CIMAP1D: variants seen among roughly 807,000 people sequenced by gnomAD.
CIMAP1D encodes protein CIMAP1D.
the CIMAP1D span, among the ~76,000 whole-genome samples, chr19:484,661 CCGCT>C: frequency 6.6e-6 from 1 of 152,180 alleles, no homozygotes; most frequent in Non-Finnish European, 1.5e-5. Context: ...GGGGAGGGCA[CCGCT>C]GTGCAAAGGC....
chr19:465,648 G>T, the CIMAP1D span, among the ~76,000 whole-genome samples: 1 of 143,806 alleles, frequency 7.0e-6, no homozygotes. Flanking sequence ...TGGGTGGGTG[G>T]AGGGATGAGT....
the CIMAP1D span, among the ~76,000 whole-genome samples, chr19:490,692 C>T: frequency 6.6e-6 from 1 of 152,330 alleles, no homozygotes; most frequent in East Asian, 1.9e-4. Context: ...GGGCCAGGCG[C>T]GGTGGCTGAC....
chr19:489,803 C>T, the CIMAP1D span: 133 of 374,624 alleles, frequency 3.6e-4, no homozygotes, highest in Non-Finnish European at 6.0e-4. Flanking sequence ...GGATGTCCAG[C>T]ACTCAGCGCG....
chr19:480,119 G>A, the CIMAP1D span, among the ~76,000 whole-genome samples: 11 of 152,366 alleles, frequency 7.2e-5, no homozygotes, highest in East Asian at 1.9e-3. Context: ...AGCCGAACTC[G>A]GGAGGCGGGC....
the CIMAP1D span, chr19:464,067 C>G: frequency 6.4e-7 from 1 of 1,561,618 alleles, no homozygotes. Context: ...CAGGCGCTGG[C>G]GGTAGGTGTT....
At chr19:482,590 G>A in the CIMAP1D span, among the ~76,000 whole-genome samples, 1 of 140,954 alleles carries the variant, frequency 7.1e-6, no homozygotes, top group Non-Finnish European at 1.6e-5. Context: ...CTGCATACAG[G>A]GTGAGATCGG....
At chr19:473,522 G>A in the CIMAP1D span, among the ~76,000 whole-genome samples, 1 of 33,826 alleles carries the variant, frequency 3.0e-5, no homozygotes, top group Non-Finnish European at 5.4e-5. Context: ...AGAGAAACAC[G>A]GTCACAGATG....
chr19:482,105 A>G, the CIMAP1D span, among the ~76,000 whole-genome samples: 1 of 152,236 alleles, frequency 6.6e-6, no homozygotes, highest in African/African-American at 2.4e-5. Context: ...GTTGTATCAA[A>G]AAAAGAGAAA....
the CIMAP1D span, among the ~76,000 whole-genome samples, chr19:479,307 C>G: frequency 6.6e-6 from 1 of 151,404 alleles, no homozygotes; most frequent in South Asian, 2.1e-4. Flanking sequence ...CCTCTCTGCT[C>G]TTGTTACCCA....
the CIMAP1D span, among the ~76,000 whole-genome samples, chr19:466,456 G>A: frequency 6.6e-5 from 10 of 150,610 alleles, no homozygotes; most frequent in African/African-American, 2.0e-4. Flanking sequence ...TGGATGGGTG[G>A]GTGGGTGGAT....
the CIMAP1D span, among the ~76,000 whole-genome samples, chr19:472,816 A>T: frequency 6.7e-6 from 1 of 150,104 alleles, no homozygotes; most frequent in Non-Finnish European, 1.5e-5. Context: ...CCTCCCAGAG[A>T]TACACGGTCA....
the CIMAP1D span, among the ~76,000 whole-genome samples, chr19:469,783 G>A: frequency 6.6e-5 from 10 of 152,150 alleles, no homozygotes; most frequent in Middle Eastern, 3.4e-3. Flanking sequence ...CCACAGACTC[G>A]CCTCAAAGTG....
chr19:466,305 G>T, the CIMAP1D span, among the ~76,000 whole-genome samples: 11,939 of 85,586 alleles, frequency 0.14, 877 homozygotes, highest in East Asian at 0.26. Context: ...ATGAGTGGAT[G>T]GATGGGTGGA....
At chr19:468,556 C>T in the CIMAP1D span, among the ~76,000 whole-genome samples, 130,604 of 152,216 alleles carry the variant, frequency 0.86, 56,391 homozygotes, top group East Asian at 0.99. Flanking sequence ...TCCTCATCAG[C>T]ATGTTGAGAA....
the CIMAP1D span, among the ~76,000 whole-genome samples, chr19:485,179 G>A: frequency 6.6e-6 from 1 of 152,174 alleles, no homozygotes; most frequent in Admixed American, 6.5e-5. Flanking sequence ...GAGGGTCATT[G>A]CCGTGCTCTA....
chr19:486,756 T>C, the CIMAP1D span, among the ~76,000 whole-genome samples: 1 of 150,046 alleles, frequency 6.7e-6, no homozygotes, highest in Admixed American at 6.7e-5. Context: ...CTACTAAAAA[T>C]ACAAAAAATT....
chr19:477,614 C>T, the CIMAP1D span, among the ~76,000 whole-genome samples: 81 of 152,096 alleles, frequency 5.3e-4, no homozygotes, highest in African/African-American at 1.9e-3. Flanking sequence ...AAAAAAAGAA[C>T]GCCTCCTCCC....
the CIMAP1D span, among the ~76,000 whole-genome samples, chr19:468,158 G>T: frequency 6.6e-6 from 1 of 152,050 alleles, no homozygotes; most frequent in Non-Finnish European, 1.5e-5. Context: ...TTGAGCTCAG[G>T]ACTTTGAGAC....
the CIMAP1D span, chr19:475,122 G>A: frequency 5.0e-6 from 1 of 199,844 alleles, no homozygotes; most frequent in South Asian, 1.9e-4. Context: ...CCACAGCCTT[G>A]CAGCAGGAGG....
Sources: allele counts gnomAD v4.1 joint callset (sites outside exome capture counted in the v4.1 genomes callset), GRCh38; gene constraint gnomAD v4.1.1; transcripts MANE v1.5; gene names NCBI Gene and HGNC (gene_info 2026-07-23, HGNC 2026-07-21).